Variants in ULK4 observed in about 807,000 individuals in gnomAD.
The protein encoded by ULK4 is unc-51 like kinase 4.
In ULK4, 133 loss-of-function variants were observed where a neutral mutation model predicts 160.6. That is an observed-to-expected ratio of 0.83 (90% CI 0.72 to 0.96). The LOEUF is 0.96. ULK4 is among the 40% of genes least tolerant of loss of function. The probability of loss-of-function intolerance (pLI) is 0.00; values close to 1 mark genes in which losing one functional copy is unlikely to be tolerated. For synonymous variants in ULK4, 534 were observed against 539.8 expected (o/e 0.99, Z 0.15); for missense variants, 1,580 against 1,499.5 (o/e 1.05, Z -0.89).
At chr3:41,493,899 T>A (rs1342282226) in intron 32 of ULK4, among the ~76,000 whole-genome samples, 1 of 148,760 alleles carries the variant, frequency 6.7e-6, no homozygotes, top group East Asian at 1.9e-4. Flanking sequence ...AATCTCTGAA[T>A]AGACCAATAA....
intron 27 of ULK4, among the ~76,000 whole-genome samples, chr3:41,688,325 G>A (rs752641868): frequency 1.7e-4 from 26 of 152,056 alleles, no homozygotes; most frequent in Non-Finnish European, 5.9e-5. Flanking sequence ...AGGCCGAGGT[G>A]GGAGAATCGC....
At position 41,670,577 on chromosome 3, in the gene ULK4, A is replaced by T. The variant is rs147349601; in HGVS notation, c.2979-6878T>A. On this transcript the variant is annotated intron_variant, in intron 29 of 36. Coordinates refer to ENST00000301831, the MANE Select transcript of ULK4 (RefSeq NM_017886.4). ...CACTCATATATATACGTATGTATAT[A>T]TGTATATACATACACATATACATAT... Among the ~76,000 whole-genome samples the T allele has an allele frequency of 3.3e-3, 495 of 151,816 alleles. 14 individuals are homozygous for T. The East Asian group carries it at 0.055, about 17-fold the overall frequency.
chr3:41,446,627 C>CA (rs201786536), intron 34 of ULK4, among the ~76,000 whole-genome samples: 2 of 147,550 alleles, frequency 1.4e-5, no homozygotes, highest in African/African-American at 5.0e-5. Context: ...ATCGCAGGGA[C>CA]AAAAAAAACA....
intron 27 of ULK4, among the ~76,000 whole-genome samples, chr3:41,691,160 T>C (rs1428428981): frequency 1.3e-5 from 2 of 151,870 alleles, no homozygotes; most frequent in African/African-American, 4.8e-5. Context: ...AGGAACATTC[T>C]AGTGGTAAAG....
At chr3:41,484,341 G>A (rs1020361206) in intron 32 of ULK4, among the ~76,000 whole-genome samples, 7 of 152,082 alleles carry the variant, frequency 4.6e-5, no homozygotes, top group African/African-American at 1.7e-4. Context: ...GTCAAAATGG[G>A]ATGAAAACTA....
rs1433500668 is a variant in ULK4, at chr3:41,758,230, AT to A, written c.2194-3743del. Among the ~76,000 whole-genome samples, 4 of 152,306 alleles carry A rather than the reference AT, an allele frequency of 2.6e-5. No individual in the cohort carries two copies. The East Asian group carries it at 5.8e-4, about 22-fold the overall frequency. ...TTCCCAGCCTCCAGAACAGTGAGCA[AT>A]AAATTTCCATTATTTATAAATTACC... On this transcript the variant is annotated intron_variant, in intron 21 of 36. Transcript: ENST00000301831.
At chr3:41,364,102 A>G (rs565269748) in intron 35 of ULK4, among the ~76,000 whole-genome samples, 1 of 152,176 alleles carries the variant, frequency 6.6e-6, no homozygotes, top group Admixed American at 6.5e-5. Context: ...CAGCTAATTT[A>G]AAAATATATA....
intron 22 of ULK4, among the ~76,000 whole-genome samples, chr3:41,749,998 T>C (rs185953730): frequency 9.8e-4 from 149 of 152,244 alleles, no homozygotes; most frequent in African/African-American, 3.2e-3. Context: ...AAAGTGAGGA[T>C]GTCAGTCCAA....
At chr3:41,910,886 C>T (rs1033923863) in intron 11 of ULK4, among the ~76,000 whole-genome samples, 4 of 152,078 alleles carry the variant, frequency 2.6e-5, no homozygotes, top group Non-Finnish European at 5.9e-5. Context: ...TCACTTGAAT[C>T]CAGGAGGCAG....
intron 21 of ULK4, among the ~76,000 whole-genome samples, chr3:41,771,992 C>A (rs941833976): frequency 6.6e-6 from 1 of 152,168 alleles, no homozygotes; most frequent in Non-Finnish European, 1.5e-5. Context: ...CGTCTATCCT[C>A]AGAAGCAAGC....
chr3:41,507,701 T>C (rs530635398), intron 32 of ULK4, among the ~76,000 whole-genome samples: 4 of 151,140 alleles, frequency 2.6e-5, no homozygotes, highest in Admixed American at 1.3e-4. Flanking sequence ...TGCAGAAAAG[T>C]TGAAGCAGTA....
At chr3:41,561,682 G>A (rs1345573107) in intron 32 of ULK4, among the ~76,000 whole-genome samples, 1 of 152,136 alleles carries the variant, frequency 6.6e-6, no homozygotes, top group Non-Finnish European at 1.5e-5. Context: ...ATGGTAGTTT[G>A]TACTTCTGTG....
chr3:41,912,224 A>C (rs1698814251), intron 9 of ULK4, among the ~76,000 whole-genome samples: 1 of 151,688 alleles, frequency 6.6e-6, no homozygotes, highest in Non-Finnish European at 1.5e-5. Context: ...GCTACCCAGG[A>C]ATCTGAGGTA....
intron 22 of ULK4, among the ~76,000 whole-genome samples, chr3:41,740,156 T>C (rs896964928): frequency 6.6e-5 from 10 of 151,940 alleles, no homozygotes; most frequent in African/African-American, 2.4e-4. Flanking sequence ...AATTCTTCAA[T>C]CCATCTGGAA....
intron 25 of ULK4, among the ~76,000 whole-genome samples, chr3:41,706,132 T>G (rs2036869019): frequency 6.6e-6 from 1 of 151,854 alleles, no homozygotes; most frequent in Non-Finnish European, 1.5e-5. Context: ...GCCGGATGAC[T>G]CCCATTGCTG....
At chr3:41,553,778 A>G (rs1280312769) in intron 32 of ULK4, among the ~76,000 whole-genome samples, 2 of 121,202 alleles carry the variant, frequency 1.7e-5, no homozygotes, top group African/African-American at 5.1e-5. Context: ...ACCACGTCAG[A>G]GTAAATGGGG....
At chr3:41,453,894 G>T (rs919761061) in intron 34 of ULK4, among the ~76,000 whole-genome samples, 1 of 151,752 alleles carries the variant, frequency 6.6e-6, no homozygotes, top group Non-Finnish European at 1.5e-5. Context: ...GGATGAAGCT[G>T]GAAACCATCA....
At chr3:41,913,071 A>G (rs548171425) in intron 8 of ULK4, 172 bp from the exon 9 acceptor site, 88 of 568,820 alleles carry the variant, frequency 1.5e-4, no homozygotes, top group Admixed American at 3.5e-4. Flanking sequence ...TTTAGACAGC[A>G]AGATAAAAAG....
chr3:41,266,002 A>G lies in ULK4; in HGVS notation c.3679-16428T>C, dbSNP rs1486969511. Among the ~76,000 whole-genome samples, 10 of 152,332 alleles carry G rather than the reference A, an allele frequency of 6.6e-5. No homozygotes were observed. In the East Asian group the frequency reaches 1.9e-3, roughly 29 times the overall value. ...ATCAGAGGACCACACAGGACCCAGCAGAATGTGTATGCACAGGAAATAACT... is the reference window on the plus strand; with the variant it reads ...ATCAGAGGACCACACAGGACCCAGCGGAATGTGTATGCACAGGAAATAACT... On this transcript the variant is annotated intron_variant, in intron 35 of 36. Transcript: ENST00000301831.
Sources: gnomAD v4.1 joint callset for allele counts (sites outside exome capture counted in the v4.1 genomes callset) on GRCh38, gnomAD v4.1.1 for gene constraint, MANE v1.5 for transcripts, NCBI Gene and HGNC (gene_info 2026-07-23, HGNC 2026-07-21) for gene names.